ATG12: variants seen among roughly 807,000 people sequenced by gnomAD.
The protein encoded by ATG12 is ubiquitin-like protein ATG12.
Under a neutral mutation model 17.6 loss-of-function variants are expected in ATG12, and 19 were observed. The ratio of observed to expected loss-of-function variants is 1.08; its 90% CI spans 0.75 to 1.58. ATG12 has a LOEUF of 1.58. ATG12 is among the 40% of genes most tolerant of loss of function. ATG12 has a pLI of 0.00. For missense variants in ATG12, 214 were observed against 162.0 expected (o/e 1.32, Z -1.74); for synonymous variants, 75 against 62.4 (o/e 1.20, Z -0.95).
At position 115,841,529 on chromosome 5, in the gene ATG12, C is replaced by CCTG. The variant is rs768861687; in HGVS notation, c.23_24insCAG (p.Val8_Leu9insArg). ...CAGCAATTGAAGTAGGAAGCTGCAA[C>CCTG]ACAGACTGCGGCTCCTCCGCCATCT... is the stretch of plus-strand genomic sequence containing the variant. On this transcript the variant is annotated inframe_insertion, in exon 1 of 4. Transcript: ENST00000509910. The CCTG allele has an allele frequency of 6.2e-7, 1 of 1,613,498 alleles. No individual in the cohort carries two copies. The highest frequency in any genetic ancestry group is 8.5e-7 in the Non-Finnish European group (1 of 1,179,804).
At chr5:115,839,338 A>G (rs1761233417) in intron 1 of ATG12, 2 of 141,570 alleles carry the variant, frequency 1.4e-5, no homozygotes, top group East Asian at 4.0e-4. Context: ...TCTTCCTACT[A>G]AAGAACTACT....
At chr5:115,834,982 T>C (rs1761031354) in intron 2 of ATG12, 2 of 152,228 alleles carry the variant, frequency 1.3e-5, no homozygotes, top group Admixed American at 1.3e-4. Context: ...CAGACTCTTG[T>C]CCAAAGGTTG....
chr5:115,839,531 C>A (rs566197576), intron 1 of ATG12: 8 of 152,270 alleles, frequency 5.3e-5, no homozygotes, highest in African/African-American at 1.7e-4. Flanking sequence ...ATGAGTTATG[C>A]TACCAAGGAT....
At chr5:115,835,422 T>C (rs963843248) in intron 2 of ATG12, among the ~76,000 whole-genome samples, 5 of 152,208 alleles carry the variant, frequency 3.3e-5, no homozygotes, top group African/African-American at 1.2e-4. Context: ...CCCCTTGTTG[T>C]TTTTTGTATA....
intron 1 of ATG12, chr5:115,838,722 C>T (rs747085800): frequency 1.3e-5 from 2 of 152,132 alleles, no homozygotes; most frequent in African/African-American, 2.4e-5. Flanking sequence ...TTCAACGATC[C>T]AAAACACAGA....
In ATG12 at chr5:115,831,787, T is replaced by A; in HGVS notation, c.*17A>T. On this transcript the variant is annotated 3_prime_UTR_variant, in exon 4 of 4. Coordinates refer to ENST00000509910, the MANE Select transcript of ATG12 (RefSeq NM_004707.4). Reference sequence around the variant, plus strand: ...AAAATCCATTTCATGTAGTAGCAAGTTGATTTTCTTTGTGGTTCATCCCCA... The same window carrying A: ...AAAATCCATTTCATGTAGTAGCAAGATGATTTTCTTTGTGGTTCATCCCCA... 3 of 1,610,750 alleles carry A rather than the reference T, an allele frequency of 1.9e-6. No homozygotes were observed. The highest frequency in any genetic ancestry group is 1.1e-5 in the South Asian group (1 of 90,580).
At chr5:115,832,360 T>A (rs1027860455) in intron 3 of ATG12, among the ~76,000 whole-genome samples, 1 of 152,084 alleles carries the variant, frequency 6.6e-6, no homozygotes, top group Non-Finnish European at 1.5e-5. Flanking sequence ...TGTAATTTAT[T>A]CCTTGGTTCT....
At chr5:115,838,492 A>G (rs968084768) in intron 1 of ATG12, 18 of 152,240 alleles carry the variant, frequency 1.2e-4, no homozygotes, top group African/African-American at 4.3e-4. Flanking sequence ...TAAATTCATT[A>G]AAAACCATCA....
Position 115,828,600 on chromosome 5 carries a change from A to G in ATG12, c.*3204T>C, listed in dbSNP as rs1395827235. 6.6e-6 allele frequency: 1 copy of G among 152,200 alleles called. No individual in the cohort carries two copies. Among genetic ancestry groups the G allele is most frequent in the Non-Finnish European group, 1.5e-5 (1 of 68,016 alleles). The allele number at this position is 152,200 out of a possible 1,614,324, so 9.4% of individuals were successfully genotyped here. A position where few individuals can be genotyped will look rare whatever the true frequency, so the allele number is the denominator to read the frequency against. On this transcript the variant is annotated 3_prime_UTR_variant, in exon 4 of 4. Transcript: ENST00000509910. ...GAAACAAATTCTTCATATACTTAAG[A>G]CATTAAAAACACTGTCATATGTTGC...
At chr5:115,834,354 T>A (rs144484397) in intron 2 of ATG12, 1 of 152,342 alleles carries the variant, frequency 6.6e-6, no homozygotes, top group African/African-American at 2.4e-5. Context: ...AAGCTCTATA[T>A]AAGTAACAGG....
chr5:115,835,058 C>T (rs1761035261), intron 2 of ATG12: 1 of 152,004 alleles, frequency 6.6e-6, no homozygotes. Flanking sequence ...TTATGTTCCT[C>T]CTACTTTAGT....
At chr5:115,836,358 C>A (rs957356555) in intron 2 of ATG12, among the ~76,000 whole-genome samples, 5 of 152,156 alleles carry the variant, frequency 3.3e-5, no homozygotes, top group Non-Finnish European at 4.4e-5. Flanking sequence ...CCATGTATTT[C>A]TAAACTAATG....
intron 1 of ATG12, chr5:115,841,047 C>T (rs1159753673): frequency 1.0e-5 from 5 of 478,836 alleles, no homozygotes; most frequent in African/African-American, 1.0e-4. Context: ...TAATTAGCTC[C>T]TGTGTTAAGT....
chr5:115,839,344 C>A (rs1323354117), intron 1 of ATG12: 1 of 150,022 alleles, frequency 6.7e-6, no homozygotes, highest in Non-Finnish European at 1.5e-5. Flanking sequence ...TACTAAAGAA[C>A]TACTTAATTA....
chr5:115,835,333 A>G (rs769295982), intron 2 of ATG12, among the ~76,000 whole-genome samples: 1 of 152,098 alleles, frequency 6.6e-6, no homozygotes, highest in Admixed American at 6.5e-5. Context: ...TATTCCTGTT[A>G]TTGTTTTTAT....
chr5:115,840,661 A>T, intron 1 of ATG12: 1 of 1,230,968 alleles, frequency 8.1e-7, no homozygotes, highest in Non-Finnish European at 1.0e-6. Context: ...AGCCTCTCTG[A>T]ATCGAGGATG....
At chr5:115,838,397 A>G (rs1580572491) in intron 1 of ATG12, 1 of 152,282 alleles carries the variant, frequency 6.6e-6, no homozygotes, top group East Asian at 1.9e-4. Flanking sequence ...TACACTTTTA[A>G]CTGCCTGGGG....
chr5:115,832,567 CTT>C (rs1561450485), intron 3 of ATG12, 33 bp downstream of exon 3: 1 of 1,064,782 alleles, frequency 9.4e-7, no homozygotes, highest in Admixed American at 5.0e-5. Context: ...GCAGTAATTT[CTT>C]TCTTTTTTTT....
intron 2 of ATG12, among the ~76,000 whole-genome samples, chr5:115,834,543 CT>C (rs951547474): frequency 6.6e-6 from 1 of 151,982 alleles, no homozygotes; most frequent in Admixed American, 6.6e-5. Flanking sequence ...TTTAAATCAG[CT>C]TTTTTTTCTT....
Sources: allele counts gnomAD v4.1 joint callset (sites outside exome capture counted in the v4.1 genomes callset), GRCh38; gene constraint gnomAD v4.1.1; transcripts MANE v1.5; gene names NCBI Gene and HGNC (gene_info 2026-07-23, HGNC 2026-07-21).